The following NHLRC2 variants were observed in gnomAD, a reference collection of about 807,000 sequenced individuals.
The protein encoded by NHLRC2 is NHL repeat containing 2, also known as NHL repeat-containing protein 2.
A neutral mutation model predicts 68.1 loss-of-function variants in NHLRC2; 33 were observed. The ratio of observed to expected loss-of-function variants is 0.48; its 90% CI spans 0.37 to 0.65. The LOEUF (loss-of-function observed/expected upper bound fraction) is 0.65. NHLRC2 is among the 30% of genes least tolerant of loss of function. The probability of loss-of-function intolerance (pLI) is 0.00; values close to 1 mark genes in which losing one functional copy is unlikely to be tolerated. For synonymous variants in NHLRC2, 311 were observed against 309.6 expected (o/e 1.00, Z -0.05); for missense variants, 761 against 853.8 (o/e 0.89, Z 1.35).
Position 113,915,678 on chromosome 10 carries a change from C to A in NHLRC2, c.*7142C>A, listed in dbSNP as rs1414224554. ...AGAGATAGGGTCTTGCTGTGTTGCC[C>A]AGGCTAGAGTGCAGCAGTGACATGA... On this transcript the variant is annotated 3_prime_UTR_variant, in exon 11 of 11. Coordinates refer to ENST00000369301, the MANE Select transcript of NHLRC2 (RefSeq NM_198514.4). The A allele has an allele frequency of 4.7e-6, 1 of 213,118 alleles. No individual in the cohort carries two copies. The highest frequency in any genetic ancestry group is 9.4e-6 in the Non-Finnish European group (1 of 106,914). 13.2% of individuals were successfully genotyped at this position (213,118 alleles called of 1,614,324 possible).
intron 2 of NHLRC2, among the ~76,000 whole-genome samples, chr10:113,860,759 G>A (rs1177015640): frequency 6.6e-6 from 1 of 152,202 alleles, no homozygotes; most frequent in Admixed American, 6.5e-5. Flanking sequence ...TTCTGGAACT[G>A]AAAAGTGGAC....
chr10:113,861,086 G>A (rs903670258), intron 2 of NHLRC2, among the ~76,000 whole-genome samples: 1 of 152,106 alleles, frequency 6.6e-6, no homozygotes, highest in African/African-American at 2.4e-5. Flanking sequence ...GTAGAGACTC[G>A]AAGACAGATT....
At chr10:113,895,609 A>G (rs1846169036) in intron 5 of NHLRC2, among the ~76,000 whole-genome samples, 1 of 152,084 alleles carries the variant, frequency 6.6e-6, no homozygotes, top group African/African-American at 2.4e-5. Context: ...ATTATTTAGC[A>G]CCTAACATGA....
At chr10:113,902,420 C>G in intron 7 of NHLRC2, 51 bp from the exon 8 acceptor site, 1 of 1,233,802 alleles carries the variant, frequency 8.1e-7, no homozygotes, top group Middle Eastern at 2.2e-4. Flanking sequence ...TAACAAAACA[C>G]TGTAAAAATT....
chr10:113,860,558 GA>G (rs1333071227), intron 2 of NHLRC2, among the ~76,000 whole-genome samples: 1 of 151,702 alleles, frequency 6.6e-6, no homozygotes, highest in African/African-American at 2.4e-5. Context: ...CCATTCAAAG[GA>G]AAAAAATAAA....
chr10:113,875,523 C>A (rs1387525687), intron 2 of NHLRC2, among the ~76,000 whole-genome samples: 2 of 152,070 alleles, frequency 1.3e-5, no homozygotes, highest in South Asian at 2.1e-4. Context: ...AAAACTGGAA[C>A]CCACTCTCAG....
At chr10:113,855,758 C>T (rs1029172169) in intron 1 of NHLRC2, among the ~76,000 whole-genome samples, 1 of 152,182 alleles carries the variant, frequency 6.6e-6, no homozygotes, top group African/African-American at 2.4e-5. Flanking sequence ...CTCCGTTTCC[C>T]AAAGTGCTGG....
At position 113,915,162 on chromosome 10, in the gene NHLRC2, C is replaced by A. The variant is rs966187048; in HGVS notation, c.*6626C>A. On this transcript the variant is annotated 3_prime_UTR_variant, in exon 11 of 11. Transcript: ENST00000369301. ...TGTATTGGTGTGTCCCTCTTCTTCACTGGCATGTCGCTTTCAAGTGTACCA... is the reference window on the plus strand; with the variant it reads ...TGTATTGGTGTGTCCCTCTTCTTCAATGGCATGTCGCTTTCAAGTGTACCA... 4.4e-6 allele frequency: 2 copies of A among 456,318 alleles called. No homozygotes were observed. Among genetic ancestry groups the A allele is most frequent in the South Asian group, 3.1e-5 (2 of 64,572 alleles). 28.3% of individuals were successfully genotyped at this position (456,318 alleles called of 1,614,324 possible). A position where few individuals can be genotyped will look rare whatever the true frequency, so the allele number is the denominator to read the frequency against.
Position 113,884,231 on chromosome 10 carries a change from C to A in NHLRC2, c.910-20C>A. The A allele has an allele frequency of 1.3e-6, 2 of 1,598,712 alleles. No individual in the cohort carries two copies. Among genetic ancestry groups the A allele is most frequent in the South Asian group, 2.2e-5 (2 of 89,326 alleles). ...AAAAGTAACATTCATTGCATAAAAC[C>A]ATCCTTTGAATTTCTATAGATTGAC... On this transcript the variant is annotated intron_variant, in intron 4 of 10. Coordinates refer to ENST00000369301, the MANE Select transcript of NHLRC2 (RefSeq NM_198514.4).
chr10:113,876,298 G>C (rs929072123), intron 2 of NHLRC2, among the ~76,000 whole-genome samples: 1 of 152,038 alleles, frequency 6.6e-6, no homozygotes, highest in African/African-American at 2.4e-5. Flanking sequence ...ATATGAATTT[G>C]ATCATGTGTG....
chr10:113,867,536 C>T (rs992075057), intron 2 of NHLRC2, among the ~76,000 whole-genome samples: 2 of 152,192 alleles, frequency 1.3e-5, no homozygotes, highest in African/African-American at 4.8e-5. Context: ...TTTTCCCTCT[C>T]CAGCATCTTT....
chr10:113,903,863 G>A, intron 9 of NHLRC2, 127 bp downstream of exon 9: 1 of 634,086 alleles, frequency 1.6e-6, no homozygotes, highest in Non-Finnish European at 2.9e-6. Context: ...TGCTTCTGTT[G>A]TATTCTTTGA....
intron 2 of NHLRC2, among the ~76,000 whole-genome samples, chr10:113,870,011 A>AGGGAATGGTACCAT: frequency 6.6e-6 from 1 of 152,158 alleles, no homozygotes; most frequent in South Asian, 2.1e-4. Context: ...AGGAGCTTTG[A>AGGGAATGGTACCAT]TCCCTTTTAG....
intron 4 of NHLRC2, among the ~76,000 whole-genome samples, chr10:113,883,890 A>T (rs1203944458): frequency 6.6e-6 from 1 of 151,966 alleles, no homozygotes; most frequent in Non-Finnish European, 1.5e-5. Flanking sequence ...AGCTGAGCAC[A>T]ACTGAAATAT....
chr10:113,905,425 C>G (rs1310394460), intron 10 of NHLRC2, among the ~76,000 whole-genome samples: 1 of 152,162 alleles, frequency 6.6e-6, no homozygotes, highest in Non-Finnish European at 1.5e-5. Flanking sequence ...TGTGACTCTT[C>G]CTTTCAGTCA....
At chr10:113,874,436 ATGTGTTTG>A (rs1845959409) in intron 2 of NHLRC2, among the ~76,000 whole-genome samples, 3 of 108,552 alleles carry the variant, frequency 2.8e-5, no homozygotes, top group South Asian at 3.5e-4. Flanking sequence ...CTTTCAAGGC[ATGTGTTTG>A]TGTGTGTGTG....
In NHLRC2 at chr10:113,876,416, T is replaced by A. The variant is rs965741236; in HGVS notation, c.332-105T>A. The A allele has an allele frequency of 2.1e-5, 13 of 630,298 alleles. No homozygotes were observed. In the East Asian group the frequency reaches 3.5e-4, roughly 17 times the overall value. 39.0% of individuals were successfully genotyped at this position (630,298 alleles called of 1,614,324 possible). ...CGTAGTTCTACTTTTCGTTTTTTTT[T>A]AATCTATGGACTTTTAATATTTGTG... On this transcript the variant is annotated intron_variant, in intron 2 of 10. Transcript: ENST00000369301.
chr10:113,882,921 C>A (rs1486901347), intron 4 of NHLRC2, among the ~76,000 whole-genome samples: 3 of 151,464 alleles, frequency 2.0e-5, no homozygotes, highest in Non-Finnish European at 3.0e-5. Context: ...TATACAGTTA[C>A]CCCAGAAACA....
At chr10:113,858,945 A>G (rs1845789736) in intron 2 of NHLRC2, 1 of 280,776 alleles carries the variant, frequency 3.6e-6, no homozygotes, top group Non-Finnish European at 6.5e-6. Flanking sequence ...TTTCATGATC[A>G]GATATTTTAA....
Sources: allele counts gnomAD v4.1 joint callset (sites outside exome capture counted in the v4.1 genomes callset), GRCh38; gene constraint gnomAD v4.1.1; transcripts MANE v1.5; gene names NCBI Gene and HGNC (gene_info 2026-07-23, HGNC 2026-07-21).